The following SGCZ variants were observed in gnomAD, a reference collection of about 807,000 sequenced individuals.
The protein encoded by SGCZ is zeta-sarcoglycan.
Under a neutral mutation model 41.3 loss-of-function variants are expected in SGCZ, and 40 were observed. The ratio of observed to expected loss-of-function variants is 0.97; its 90% confidence interval spans 0.75 to 1.26. SGCZ has a LOEUF of 1.26. Among genes scored for constraint, SGCZ ranks in the 50% most tolerant of loss-of-function variants. The pLI is 0.00. For missense variants in SGCZ, 552 were observed against 369.8 expected (o/e 1.49, Z -4.04); for synonymous variants, 206 against 137.5 (o/e 1.50, Z -3.49).
intron 1 of SGCZ, among the ~76,000 whole-genome samples, chr8:14,829,940 T>C (rs1191249395): frequency 1.3e-5 from 2 of 152,014 alleles, no homozygotes; most frequent in Non-Finnish European, 1.5e-5. Flanking sequence ...GCCTCCTGAG[T>C]AGCTGGGACT....
At chr8:14,980,411 T>C (rs1312401994) in intron 1 of SGCZ, among the ~76,000 whole-genome samples, 1 of 152,226 alleles carries the variant, frequency 6.6e-6, no homozygotes, top group Non-Finnish European at 1.5e-5. Flanking sequence ...TTTTATTACA[T>C]TTTTATGTTT....
intron 2 of SGCZ, among the ~76,000 whole-genome samples, chr8:14,526,776 G>A (rs1409681884): frequency 2.6e-5 from 4 of 151,986 alleles, no homozygotes; most frequent in African/African-American, 9.7e-5. Context: ...AGAGGTTTAT[G>A]TCTTCTCTAC....
intron 2 of SGCZ, among the ~76,000 whole-genome samples, chr8:14,531,653 G>A (rs1803136719): frequency 6.6e-6 from 1 of 152,050 alleles, no homozygotes; most frequent in Non-Finnish European, 1.5e-5. Flanking sequence ...ATAATGAAGA[G>A]TAACTTGATA....
intron 3 of SGCZ, among the ~76,000 whole-genome samples, chr8:14,278,243 G>A (rs1754261125): frequency 1.3e-5 from 2 of 152,058 alleles, no homozygotes; most frequent in East Asian, 1.9e-4. Flanking sequence ...TCAGCCATCT[G>A]GCCCCTCTTT....
intron 2 of SGCZ, among the ~76,000 whole-genome samples, chr8:14,552,334 T>G (rs913031027): frequency 5.3e-5 from 8 of 152,044 alleles, no homozygotes; most frequent in African/African-American, 1.7e-4. Context: ...GTGACTACAT[T>G]GAGCTAGAGA....
chr8:14,720,012 A>G (rs1187525611), intron 1 of SGCZ, among the ~76,000 whole-genome samples: 1 of 152,000 alleles, frequency 6.6e-6, no homozygotes, highest in Non-Finnish European at 1.5e-5. Context: ...TCTTTAATCC[A>G]TCTTGAATTA....
chr8:14,168,518 A>C (rs1804276116), intron 4 of SGCZ, among the ~76,000 whole-genome samples: 1 of 152,068 alleles, frequency 6.6e-6, no homozygotes, highest in Non-Finnish European at 1.5e-5. Flanking sequence ...TGGTTTTATA[A>C]AGGGGAGTTT....
chr8:14,670,929 C>G (rs1413185319), intron 1 of SGCZ, among the ~76,000 whole-genome samples: 1 of 152,152 alleles, frequency 6.6e-6, no homozygotes, highest in African/African-American at 2.4e-5. Context: ...AGTGAGTACA[C>G]AGGTTGAAGC....
chr8:14,635,664 A>G (rs1273193184), intron 1 of SGCZ, among the ~76,000 whole-genome samples: 2 of 151,700 alleles, frequency 1.3e-5, no homozygotes, highest in Admixed American at 1.3e-4. Flanking sequence ...CAACATATTC[A>G]TACTTAGTAA....
In SGCZ at chr8:15,057,388, A is replaced by G. The variant is rs79554617; in HGVS notation, c.39+180197T>C. 6.4e-4 allele frequency among the ~76,000 whole-genome samples: 97 copies of G among 152,316 alleles called. 2 individuals are homozygous for G. The East Asian group carries it at 0.017, about 27-fold the overall frequency. Reference sequence around the variant, plus strand: ...TGTTGTCATTGAAACACACAAACACAGTCTTTCTATGAAGAAAAGAAAAGA... The same window carrying G: ...TGTTGTCATTGAAACACACAAACACGGTCTTTCTATGAAGAAAAGAAAAGA... On this transcript the variant is annotated intron_variant, in intron 1 of 7. Coordinates refer to ENST00000382080, the MANE Select transcript of SGCZ (RefSeq NM_139167.4).
chr8:14,258,064 T>C (rs1223746006), intron 3 of SGCZ, among the ~76,000 whole-genome samples: 1 of 152,180 alleles, frequency 6.6e-6, no homozygotes, highest in Non-Finnish European at 1.5e-5. Context: ...GGACTTTTAA[T>C]TACAACTACC....
chr8:14,367,389 G>T (rs575593652), intron 2 of SGCZ, among the ~76,000 whole-genome samples: 1 of 152,040 alleles, frequency 6.6e-6, no homozygotes, highest in East Asian at 1.9e-4. Flanking sequence ...CTCTTTGCCT[G>T]TTAGTTCCAA....
chr8:15,063,461 A>G lies in SGCZ; in HGVS notation c.39+174124T>C, dbSNP rs181926052. Among the ~76,000 whole-genome samples, 433 of 152,292 alleles carry G rather than the reference A, an allele frequency of 2.8e-3. 3 individuals are homozygous for G. Among genetic ancestry groups the G allele is most frequent in the African/African-American group, 8.7e-3 (360 of 41,572 alleles). On this transcript the variant is annotated intron_variant, in intron 1 of 7. Coordinates refer to ENST00000382080, the MANE Select transcript of SGCZ (RefSeq NM_139167.4). Reference sequence around the variant, plus strand: ...ATTAAAGTGAGACAAAATAATTCAGAAACTCGACTAACAAATCATTTGGCA... The same window carrying G: ...ATTAAAGTGAGACAAAATAATTCAGGAACTCGACTAACAAATCATTTGGCA...
At chr8:14,767,657 T>C (rs1023198698) in intron 1 of SGCZ, among the ~76,000 whole-genome samples, 3 of 152,196 alleles carry the variant, frequency 2.0e-5, no homozygotes, top group Non-Finnish European at 4.4e-5. Context: ...GGAATCTTAA[T>C]ATAGCAGTTA....
intron 1 of SGCZ, among the ~76,000 whole-genome samples, chr8:15,149,966 T>C (rs565730592): frequency 6.6e-6 from 1 of 152,158 alleles, no homozygotes; most frequent in African/African-American, 2.4e-5. Flanking sequence ...TTACAAATAA[T>C]TGTATTTGTC....
chr8:14,412,859 A>G (rs1391202143), intron 2 of SGCZ, among the ~76,000 whole-genome samples: 1 of 152,064 alleles, frequency 6.6e-6, no homozygotes, highest in African/African-American at 2.4e-5. Flanking sequence ...GAAACTTGAT[A>G]GATATGGATG....
At chr8:14,291,762 T>C (rs947539357) in intron 3 of SGCZ, among the ~76,000 whole-genome samples, 2 of 152,046 alleles carry the variant, frequency 1.3e-5, no homozygotes, top group Non-Finnish European at 2.9e-5. Flanking sequence ...CACTTTTCTA[T>C]TCCTCTCTTT....
At chr8:14,959,239 A>G (rs1186421691) in intron 1 of SGCZ, among the ~76,000 whole-genome samples, 2 of 152,164 alleles carry the variant, frequency 1.3e-5, no homozygotes, top group Non-Finnish European at 2.9e-5. Flanking sequence ...TAATTGGTAG[A>G]TAATTATATC....
chr8:14,815,416 AC>A (rs1801874441), intron 1 of SGCZ, among the ~76,000 whole-genome samples: 2 of 151,132 alleles, frequency 1.3e-5, no homozygotes, highest in African/African-American at 4.9e-5. Flanking sequence ...ATAACTACTT[AC>A]TTCAAAACAA....
Sources: gnomAD v4.1 joint callset for allele counts (sites outside exome capture counted in the v4.1 genomes callset) on GRCh38, gnomAD v4.1.1 for gene constraint, MANE v1.5 for transcripts, NCBI Gene and HGNC (gene_info 2026-07-23, HGNC 2026-07-21) for gene names.